Variants in AK8 observed in about 807,000 individuals in gnomAD.
AK8 encodes the protein ATP-AMP transphosphorylase 8.
AK8 carries 44 observed loss-of-function variants against 54.6 expected under a neutral mutation model. The observed-to-expected ratio is 0.81, with a 90% CI of 0.63 to 1.04. The LOEUF (loss-of-function observed/expected upper bound fraction) is 1.04, where lower values mean the gene tolerates loss of function less well. Ranked by LOEUF, AK8 falls within the 50% of genes least tolerant of loss-of-function variation. The pLI is 0.00. For missense variants in AK8, 555 were observed against 613.6 expected (o/e 0.90, Z 1.01); for synonymous variants, 239 against 245.6 (o/e 0.97, Z 0.25).
At chr9:132,793,240 C>G (rs1313624922) in intron 10 of AK8, among the ~76,000 whole-genome samples, 2 of 152,194 alleles carry the variant, frequency 1.3e-5, no homozygotes, top group African/African-American at 4.8e-5. Flanking sequence ...TCTCTGGGGT[C>G]TCCCTTATAC....
intron 5 of AK8, among the ~76,000 whole-genome samples, chr9:132,828,958 A>ATT (rs759306917): frequency 2.8e-5 from 4 of 142,888 alleles, no homozygotes; most frequent in Non-Finnish European, 4.6e-5. Flanking sequence ...TTACATCTTG[A>ATT]TTTTTTTTTT....
intron 11 of AK8, among the ~76,000 whole-genome samples, chr9:132,758,518 C>T (rs544637230): frequency 1.3e-5 from 2 of 152,182 alleles, no homozygotes; most frequent in African/African-American, 4.8e-5. Context: ...GGTGCGATCT[C>T]GGCTCACTGC....
At position 132,760,466 on chromosome 9, in the gene AK8, A is replaced by G. The variant is rs548319264; in HGVS notation, c.1121+32168T>C. ...TAGTTGGTAACCTTGCTAAACTCTCACTAAAACTATTATGTACTCCATAAA... is the reference window on the plus strand; with the variant it reads ...TAGTTGGTAACCTTGCTAAACTCTCGCTAAAACTATTATGTACTCCATAAA... On this transcript the variant is annotated intron_variant, in intron 11 of 12. Coordinates refer to ENST00000298545, the MANE Select transcript of AK8 (RefSeq NM_152572.3). Among the ~76,000 whole-genome samples the G allele has an allele frequency of 1.6e-4, 24 of 152,314 alleles. 1 individual carries two copies. Among genetic ancestry groups the G allele is most frequent in the African/African-American group, 5.5e-4 (23 of 41,572 alleles).
Position 132,781,865 on chromosome 9 carries a change from C to T in AK8, c.1121+10769G>A, listed in dbSNP as rs562457571. ...GCCTGTATCTGAACTTGAAGGTTTA[C>T]GGCTAAGATTACTTTCTGAGTTAAT... On this transcript the variant is annotated intron_variant, in intron 11 of 12. Transcript: ENST00000298545. The surrounding 1 kb of genome is among the most constrained non-coding windows in gnomAD (Gnocchi z 4.6). Among the ~76,000 whole-genome samples the T allele has an allele frequency of 3.9e-5, 6 of 152,192 alleles. No homozygotes were observed. Among genetic ancestry groups the T allele is most frequent in the East Asian group, 1.9e-4 (1 of 5,182 alleles).
At position 132,757,862 on chromosome 9, in the gene AK8, A is replaced by G. The variant is rs551451998; in HGVS notation, c.1122-30328T>C. Among the ~76,000 whole-genome samples the G allele has an allele frequency of 4.0e-4, 61 of 150,694 alleles. 1 individual carries two copies. Among genetic ancestry groups the G allele is most frequent in the South Asian group, 1.5e-3 (7 of 4,808 alleles). ...ATCCATCATTGATCCTAAGGGAGGG[A>G]AAAAAAAGGTCCCTAAACCTTAAGT... On this transcript the variant is annotated intron_variant, in intron 11 of 12. Transcript: ENST00000298545.
At chr9:132,783,641 T>C (rs1839573257) in intron 11 of AK8, among the ~76,000 whole-genome samples, 1 of 149,150 alleles carries the variant, frequency 6.7e-6, no homozygotes, top group Non-Finnish European at 1.5e-5. Flanking sequence ...CCAGGAAACA[T>C]AAGAACATTT....
rs954626065 is a variant in AK8 at position 132,837,907 on chromosome 9, C to G, written c.403-9181G>C. Among the ~76,000 whole-genome samples, 1 of 152,250 alleles carries G rather than the reference C, an allele frequency of 6.6e-6. No homozygotes were observed. Among genetic ancestry groups the G allele is most frequent in the South Asian group, 2.1e-4 (1 of 4,826 alleles). On this transcript the variant is annotated intron_variant, in intron 5 of 12. Coordinates refer to ENST00000298545, the MANE Select transcript of AK8 (RefSeq NM_152572.3). This position sits in a 1 kb window ranked among gnomAD's most constrained non-coding sequence, Gnocchi z 4.3. ...TTCCTGAGTGGAACTCAGACCTCCACTTCCAATCCCCTGCAAAGCTAACTG... is the reference window on the plus strand; with the variant it reads ...TTCCTGAGTGGAACTCAGACCTCCAGTTCCAATCCCCTGCAAAGCTAACTG...
intron 5 of AK8, among the ~76,000 whole-genome samples, chr9:132,846,698 A>G (rs1842767192): frequency 6.6e-6 from 1 of 152,204 alleles, no homozygotes; most frequent in Non-Finnish European, 1.5e-5. Context: ...GACAGGGAGT[A>G]GATAGGCTTT....
chr9:132,777,738 A>G (rs920425785), intron 11 of AK8, among the ~76,000 whole-genome samples: 1 of 152,212 alleles, frequency 6.6e-6, no homozygotes, highest in African/African-American at 2.4e-5. Flanking sequence ...GGCTGAGGGA[A>G]ACAGTTGTGA....
At position 132,837,774 on chromosome 9, in the gene AK8, C is replaced by A. The variant is rs188478046; in HGVS notation, c.403-9048G>T. Among the ~76,000 whole-genome samples the A allele has an allele frequency of 8.9e-4, 135 of 152,296 alleles. No individual in the cohort carries two copies. The highest frequency in any genetic ancestry group is 3.1e-3 in the African/African-American group (127 of 41,550). The stretch of plus-strand genomic sequence containing the variant: ...CACGCCTCAGCATCAGGGTCTCTTA[C>A]AGAAACACCCACAAATAAGGGGGCA... On this transcript the variant is annotated intron_variant, in intron 5 of 12. Transcript: ENST00000298545. The surrounding 1 kb of genome is among the most constrained non-coding windows in gnomAD (Gnocchi z 4.3).
chr9:132,854,860 C>A lies in AK8; in HGVS notation c.399G>T (p.Lys133Asn). The A allele has an allele frequency of 6.2e-7, 1 of 1,614,056 alleles. No homozygotes were observed. The highest frequency in any genetic ancestry group is 8.5e-7 in the Non-Finnish European group (1 of 1,180,004). The change falls in exon 5 of 13, where the codon AAG (lysine) becomes AAT (asparagine). Residue 133 changes from lysine (K) to asparagine (N), a missense_variant. Transcript: ENST00000298545. ...CCCTAGCTCACTGGAGTCTTACCTG[C>A]TTGATGCAATCCTCTTCAGCCAGGC... ...QERLAEEDCI[K>N]QGWILDGIPE... is the part of the protein sequence containing the mutation.
In AK8 at chr9:132,731,201, G is replaced by A. The variant is rs1023669353; in HGVS notation, c.1122-3667C>T. ...GTGGAAATCCTGAAAGCCGAATTCC[G>A]AGTGATTTGTGTGTTTTCAGCAGTG... On this transcript the variant is annotated intron_variant, in intron 11 of 12. Transcript: ENST00000298545. 3.9e-5 allele frequency among the ~76,000 whole-genome samples: 6 copies of A among 152,312 alleles called. No individual in the cohort carries two copies. In the South Asian group the frequency reaches 8.3e-4, roughly 21 times the overall value.
At chr9:132,745,056 C>G (rs543217882) in intron 11 of AK8, among the ~76,000 whole-genome samples, 1 of 152,174 alleles carries the variant, frequency 6.6e-6, no homozygotes, top group Non-Finnish European at 1.5e-5. Context: ...CTAAACGGCC[C>G]CCACCTATTT....
upstream of AK8, chr9:132,878,825 C>T: frequency 1.0e-6 from 1 of 961,398 alleles, no homozygotes; most frequent in Non-Finnish European, 1.2e-6. This position sits in a 1 kb window ranked among gnomAD's most constrained non-coding sequence, Gnocchi z 4.7. Flanking sequence ...CCAAGTGACC[C>T]GATTGCTATG....
At chr9:132,802,124 T>C (rs578053565) in intron 10 of AK8, among the ~76,000 whole-genome samples, 14 of 152,348 alleles carry the variant, frequency 9.2e-5, no homozygotes, top group East Asian at 5.8e-4. Flanking sequence ...CACGGAGGTA[T>C]TGGTAGGCCC....
At position 132,848,127 on chromosome 9, in the gene AK8, AAAAAAAAAAAAAAAAAG is replaced by A. The variant is rs1276312669; in HGVS notation, c.402+6713_402+6729del. On this transcript the variant is annotated intron_variant, in intron 5 of 12. Transcript: ENST00000298545. ...CAACACCCTGTTTCAAAAAAAAAAA[AAAAAAAAAAAAAAAAAG>A]ATTGAAGAGAAGAAAGGAAGACTCC... 3.2e-4 allele frequency among the ~76,000 whole-genome samples: 45 copies of A among 141,804 alleles called. 1 individual carries two copies. Among genetic ancestry groups the A allele is most frequent in the Non-Finnish European group, 1.7e-4 (11 of 64,840 alleles). 93.0% of individuals were successfully genotyped at this position (141,804 alleles called of 152,430 possible). A position where few individuals can be genotyped will look rare whatever the true frequency, so the allele number is the denominator to read the frequency against.
intron 5 of AK8, among the ~76,000 whole-genome samples, chr9:132,842,058 G>A (rs1226621542): frequency 1.3e-5 from 2 of 152,224 alleles, no homozygotes; most frequent in Non-Finnish European, 2.9e-5. Flanking sequence ...TAGAATACAA[G>A]GAAGAAGTCG....
At chr9:132,801,490 G>A (rs1377700416) in intron 10 of AK8, among the ~76,000 whole-genome samples, 2 of 152,204 alleles carry the variant, frequency 1.3e-5, no homozygotes, top group African/African-American at 4.8e-5. Context: ...TTTAAAGAGT[G>A]ATGTATTCAC....
In AK8 at chr9:132,878,030, A is replaced by G. The variant is rs1167451343; in HGVS notation, c.84+142T>C. 3.9e-6 allele frequency: 6 copies of G among 1,534,752 alleles called. No individual in the cohort carries two copies. In the South Asian group the frequency reaches 7.2e-5, roughly 18 times the overall value. On this transcript the variant is annotated intron_variant, in intron 1 of 12. Transcript: ENST00000298545. This position sits in a 1 kb window ranked among gnomAD's most constrained non-coding sequence, Gnocchi z 4.7. The stretch of plus-strand genomic sequence containing the variant: ...AGGGCCCCCTCGGGGTCACGGCGAC[A>G]CACGAATCGTACATCCCGAGTTGGG...
Sources: gnomAD v4.1 joint callset for allele counts (sites outside exome capture counted in the v4.1 genomes callset) on GRCh38, gnomAD v4.1.1 for gene constraint, Gnocchi (gnomAD v3.1) non-coding constraint, MANE v1.5 for transcripts, NCBI Gene and HGNC (gene_info 2026-07-23, HGNC 2026-07-21) for gene names.